The following SEZ6L variants were observed in gnomAD, a reference collection of about 807,000 sequenced individuals.
SEZ6L encodes seizure 6-like protein.
Under a neutral mutation model 106.2 loss-of-function variants are expected in SEZ6L, and 37 were observed. The observed-to-expected ratio is 0.35, with a 90% CI of 0.27 to 0.46. The LOEUF is 0.46. SEZ6L is among the 20% of genes least tolerant of loss of function. SEZ6L has a pLI of 1.00. For missense variants in SEZ6L, 1,172 were observed against 1,332.8 expected, an observed-to-expected ratio of 0.88 and a Z score of 1.88; for synonymous variants, 541 against 570.4, an observed-to-expected ratio of 0.95 and a Z score of 0.73.
At chr22:26,316,905 G>GAAGGAAAGAAAGAAAGAA (rs2082017375) in intron 9 of SEZ6L, among the ~76,000 whole-genome samples, 2 of 60,990 alleles carry the variant, frequency 3.3e-5, no homozygotes, top group Non-Finnish European at 5.8e-5. Context: ...AAAGAAAGAA[G>GAAGGAAAGAAAGAAAGAA]AAAGAAAGAA....
At position 26,204,278 on chromosome 22, in the gene SEZ6L, A is replaced by G. The variant is rs134771; in HGVS notation, c.94+34515A>G. 1.9e-3 allele frequency among the ~76,000 whole-genome samples: 290 copies of G among 152,364 alleles called. 1 individual carries two copies. The highest frequency in any genetic ancestry group is 0.01 in the Middle Eastern group (3 of 294). On this transcript the variant is annotated intron_variant, in intron 1 of 16. Coordinates refer to ENST00000248933, the MANE Select transcript of SEZ6L (RefSeq NM_021115.5). ...CCATATGGGAAGTCAGTCATGACACAGATGATCATACACATAATTACTAAC... is the reference window on the plus strand; with the variant it reads ...CCATATGGGAAGTCAGTCATGACACGGATGATCATACACATAATTACTAAC...
At chr22:26,221,108 A>G (rs2078455653) in intron 1 of SEZ6L, among the ~76,000 whole-genome samples, 1 of 152,186 alleles carries the variant, frequency 6.6e-6, no homozygotes, top group Non-Finnish European at 1.5e-5. Context: ...TGGAAGAGTC[A>G]GTGAATGTCG....
Position 26,342,577 on chromosome 22 carries a change from T to C in SEZ6L, c.2212+1945T>C, listed in dbSNP as rs368040229. Reference sequence around the variant, plus strand: ...TGGGTGTGGTGGCAGGCACCTGTAGTCCCAGCTACTCGGGAGGCTGAGGCA... The same window carrying C: ...TGGGTGTGGTGGCAGGCACCTGTAGCCCCAGCTACTCGGGAGGCTGAGGCA... On this transcript the variant is annotated intron_variant, in intron 10 of 16. Coordinates refer to ENST00000248933, the MANE Select transcript of SEZ6L (RefSeq NM_021115.5). Among the ~76,000 whole-genome samples, 523 of 150,980 alleles carry C rather than the reference T, an allele frequency of 3.5e-3. 5 individuals are homozygous for C. Among genetic ancestry groups the C allele is most frequent in the African/African-American group, 0.012 (504 of 41,110 alleles).
At chr22:26,285,503 G>A (rs1444130722) in intron 1 of SEZ6L, among the ~76,000 whole-genome samples, 2 of 152,182 alleles carry the variant, frequency 1.3e-5, no homozygotes, top group Non-Finnish European at 2.9e-5. Flanking sequence ...TAATCCAGTG[G>A]TCTTCAACCA....
chr22:26,232,082 G>T (rs2078815257), intron 1 of SEZ6L, among the ~76,000 whole-genome samples: 1 of 152,150 alleles, frequency 6.6e-6, no homozygotes, highest in South Asian at 2.1e-4. Context: ...CTAAGGCTCA[G>T]TTTCCTCAGG....
At chr22:26,298,017 G>A (rs749429462) in intron 4 of SEZ6L, among the ~76,000 whole-genome samples, 17 of 152,118 alleles carry the variant, frequency 1.1e-4, no homozygotes, top group Non-Finnish European at 1.8e-4. Flanking sequence ...GATATTGAGA[G>A]CCATCATGTG....
rs150795001 is a variant in SEZ6L at position 26,221,216 on chromosome 22, T to C, written c.94+51453T>C. ...CTGACCTTCCCTTCATCCTTCAAAC[T>C]GCAGTTAAATCTTACCCCTGTGGTC... is the stretch of plus-strand genomic sequence containing the variant. On this transcript the variant is annotated intron_variant, in intron 1 of 16. Coordinates refer to ENST00000248933, the MANE Select transcript of SEZ6L (RefSeq NM_021115.5). 6.8e-4 allele frequency among the ~76,000 whole-genome samples: 104 copies of C among 152,254 alleles called. 1 individual carries two copies. Among genetic ancestry groups the C allele is most frequent in the East Asian group, 6.0e-3 (31 of 5,168 alleles).
chr22:26,287,567 TA>T (rs1232393536), intron 1 of SEZ6L, among the ~76,000 whole-genome samples: 1 of 152,180 alleles, frequency 6.6e-6, no homozygotes, highest in Admixed American at 6.5e-5. Flanking sequence ...GGGCAAGTTA[TA>T]AAGTTGCTGG....
chr22:26,245,778 G>C (rs920644133), intron 1 of SEZ6L, among the ~76,000 whole-genome samples: 4 of 152,174 alleles, frequency 2.6e-5, no homozygotes, highest in African/African-American at 9.7e-5. Context: ...GTCAGATGGG[G>C]ATGCTGGCTC....
intron 12 of SEZ6L, among the ~76,000 whole-genome samples, chr22:26,359,588 A>T (rs972413789): frequency 1.3e-5 from 2 of 152,132 alleles, no homozygotes; most frequent in African/African-American, 4.8e-5. Context: ...ACTTGAGGTC[A>T]GGAGTTCAGG....
chr22:26,300,414 T>C (rs1462000007), intron 5 of SEZ6L, among the ~76,000 whole-genome samples: 1 of 152,220 alleles, frequency 6.6e-6, no homozygotes, highest in Non-Finnish European at 1.5e-5. Flanking sequence ...GTTTGGTTTT[T>C]TGTCCTTGCG....
chr22:26,240,841 G>C (rs955555515), intron 1 of SEZ6L, among the ~76,000 whole-genome samples: 2 of 152,132 alleles, frequency 1.3e-5, no homozygotes, highest in Non-Finnish European at 2.9e-5. Flanking sequence ...AGGGTGTCAG[G>C]TGCTATGGGA....
At chr22:26,365,306 G>A (rs1470752196) in intron 12 of SEZ6L, 66 bp from the exon 13 acceptor site, 2 of 1,438,300 alleles carry the variant, frequency 1.4e-6, no homozygotes, top group Non-Finnish European at 1.9e-6. Flanking sequence ...GATCACACGG[G>A]TTCTGAGCAG....
chr22:26,216,215 G>A (rs1310587745), intron 1 of SEZ6L, among the ~76,000 whole-genome samples: 5 of 152,152 alleles, frequency 3.3e-5, no homozygotes, highest in Non-Finnish European at 5.9e-5. Context: ...CACGTGGTCA[G>A]TTAGTGGAGG....
At chr22:26,271,785 CCT>C in intron 1 of SEZ6L, among the ~76,000 whole-genome samples, 1 of 152,356 alleles carries the variant, frequency 6.6e-6, no homozygotes, top group East Asian at 1.9e-4. Context: ...GCCAATTAAA[CCT>C]CTTTTTTTCT....
At chr22:26,236,652 T>C (rs1427411372) in intron 1 of SEZ6L, among the ~76,000 whole-genome samples, 1 of 151,998 alleles carries the variant, frequency 6.6e-6, no homozygotes, top group Non-Finnish European at 1.5e-5. Flanking sequence ...TTGAAAGGAG[T>C]GATGGGCAGG....
At chr22:26,296,205 A>G (rs778308164) in intron 3 of SEZ6L, among the ~76,000 whole-genome samples, 3 of 152,096 alleles carry the variant, frequency 2.0e-5, no homozygotes, top group Non-Finnish European at 2.9e-5. Context: ...AATCCCACAG[A>G]GTGTAAATGG....
At position 26,294,363 on chromosome 22, in the gene SEZ6L, A is replaced by C; in HGVS notation, c.907A>C (p.Asn303His). The C allele has an allele frequency of 6.2e-7, 1 of 1,614,146 alleles. No homozygotes were observed. Among genetic ancestry groups the C allele is most frequent in the Non-Finnish European group, 8.5e-7 (1 of 1,180,022 alleles). ...CAGCGACTACCCACTGCTGCCCCTC[A>C]ACAACTTTCTGGAGTGCACATACAA... ...DSSDYPLLPL[N>H]NFLECTYNVT... Residue 303 changes from asparagine (N) to histidine (H), a missense_variant, in exon 3 of 17, where the codon AAC becomes CAC. Physicochemically the swap from Asn to His is moderately conservative, Grantham distance 68 (BLOSUM62 1). This residue lies in a region of SEZ6L where 494 missense variants were observed against 445.8 expected (regional missense o/e 1.11). Coordinates refer to ENST00000248933, the MANE Select transcript of SEZ6L (RefSeq NM_021115.5).
chr22:26,377,560 G>A (rs2084270274), intron 15 of SEZ6L, 113 bp from the exon 16 acceptor site: 6 of 813,380 alleles, frequency 7.4e-6, no homozygotes, highest in Admixed American at 5.6e-5. Flanking sequence ...CATCCTCGTC[G>A]TCATTCACAG....
Sources: allele counts gnomAD v4.1 joint callset (sites outside exome capture counted in the v4.1 genomes callset), GRCh38; gene constraint gnomAD v4.1.1; regional missense constraint gnomAD v4.1.1; transcripts MANE v1.5; gene names NCBI Gene and HGNC (gene_info 2026-07-23, HGNC 2026-07-21).